The following SCRN3 variants were observed in gnomAD, a reference collection of about 807,000 sequenced individuals.
The protein encoded by SCRN3 is secernin-3.
SCRN3 carries 39 observed loss-of-function variants against 43.1 expected under a neutral mutation model. The ratio of observed to expected loss-of-function variants is 0.91; its 90% CI spans 0.70 to 1.18. SCRN3 has a LOEUF of 1.18. Among genes scored for constraint, SCRN3 ranks in the 50% most tolerant of loss-of-function variants. The pLI is 0.00. For synonymous variants in SCRN3, 147 were observed against 163.1 expected (o/e 0.90, Z 0.75); for missense variants, 484 against 498.0 (o/e 0.97, Z 0.27).
Position 174,423,014 on chromosome 2 carries a change from T to A in SCRN3, c.884T>A (p.Ile295Asn). The A allele has an allele frequency of 5.0e-6, 8 of 1,613,656 alleles. No individual in the cohort carries two copies. The highest frequency in any genetic ancestry group is 6.8e-6 in the Non-Finnish European group (8 of 1,179,708). The change falls in exon 6 of 8, where the codon ATT (isoleucine) becomes AAT (asparagine). Residue 295 changes from isoleucine (I) to asparagine (N), a missense_variant. By Grantham distance (149) the Ile-to-Asn change is moderately radical (BLOSUM62 -3). Coordinates refer to ENST00000272732, the MANE Select transcript of SCRN3 (RefSeq NM_024583.5). Reference protein sequence around the residue: ...ILPQDSSLPCIHFFTGTPDPE... With the variant: ...ILPQDSSLPCNHFFTGTPDPE... ...CCTCAAGACTCCAGCCTTCCTTGCA[T>A]TCACTTCTTTACAGGGACTCCTGAT... is the stretch of plus-strand genomic sequence containing the variant.
Position 174,404,275 on chromosome 2 carries a change from C to A in SCRN3, c.714C>A (p.Gly238=). 1 of 1,613,662 alleles carries A rather than the reference C, an allele frequency of 6.2e-7. No individual in the cohort carries two copies. The highest frequency in any genetic ancestry group is 8.5e-7 in the Non-Finnish European group (1 of 1,179,724). The change falls in exon 5 of 8, where the codon GGC becomes GGA. Residue 238 remains glycine (G), a synonymous_variant. Transcript: ENST00000272732. ...CAGCCAAGATGATGACTTCATCAGG[C>A]AGATACTGTGAGGGCTACAAGCTTC... ...LDTAKMMTSS[G]RYCEGYKLLN... is the part of the protein sequence containing the mutation.
chr2:174,398,926 A>C (rs1298412862), intron 2 of SCRN3, among the ~76,000 whole-genome samples: 4 of 152,200 alleles, frequency 2.6e-5, no homozygotes, highest in Non-Finnish European at 5.9e-5. Flanking sequence ...CTTAGGTTCT[A>C]CTTGATGTAG....
intron 3 of SCRN3, 52 bp from the exon 4 acceptor site, chr2:174,400,938 A>G (rs13016842): frequency 0.24 from 326,819 of 1,388,942 alleles, 40,402 homozygotes; most frequent in Middle Eastern, 0.34. Flanking sequence ...AATTATTTAA[A>G]AAAAATAATG....
chr2:174,404,231 G>A lies in SCRN3; in HGVS notation c.670G>A (p.Ala224Thr), dbSNP rs1305542008. Residue 224 changes from alanine to threonine, a missense_variant, in exon 5 of 8, where the codon GCA (alanine) becomes ACA (threonine). By Grantham distance (58) the Ala-to-Thr change is moderately conservative. Transcript: ENST00000272732. The stretch of plus-strand genomic sequence containing the variant: ...TAAAAAGGAGTTTGATTTTGCTGCA[G>A]CATATTCCTATCTTGACACAGCCAA... ...DGKKEFDFAAAYSYLDTAKMM... is the reference protein window; with the variant it reads ...DGKKEFDFAATYSYLDTAKMM... The A allele has an allele frequency of 1.2e-6, 2 of 1,613,844 alleles. No individual in the cohort carries two copies. The highest frequency in any genetic ancestry group is 1.7e-6 in the Non-Finnish European group (2 of 1,179,840).
chr2:174,424,542 TTTGAAC>T lies in SCRN3; in HGVS notation c.991_996del (p.Leu331_Glu332del). 1 of 1,612,738 alleles carries T rather than the reference TTTGAAC, an allele frequency of 6.2e-7. No individual in the cohort carries two copies. The highest frequency in any genetic ancestry group is 8.5e-7 in the Non-Finnish European group (1 of 1,178,882). On this transcript the variant is annotated inframe_deletion, in exon 7 of 8. Coordinates refer to ENST00000272732, the MANE Select transcript of SCRN3 (RefSeq NM_024583.5). ...ACTATTGGATACCAGTTCACCAACA[TTTGAAC>T]TTGAAGATCTAGTTAAAAAGAAATC...
Position 174,423,029 on chromosome 2 carries a change from G to C in SCRN3, c.899G>C (p.Gly300Ala), listed in dbSNP as rs1250601413. The C allele has an allele frequency of 1.2e-6, 2 of 1,612,672 alleles. No homozygotes were observed. Among genetic ancestry groups the C allele is most frequent in the East Asian group, 2.2e-5 (1 of 44,826 alleles). Residue 300 changes from glycine to alanine, a missense_variant, in exon 6 of 8, where the codon GGG becomes GCG. Transcript: ENST00000272732. ...CTTCCTTGCATTCACTTCTTTACAG[G>C]GACTCCTGATCCTGAGAGGTGAAGC... The part of the protein sequence containing the change: ...SSLPCIHFFT[G>A]TPDPERSVFK...
chr2:174,397,946 G>C (rs929253379), intron 1 of SCRN3, among the ~76,000 whole-genome samples: 1 of 152,102 alleles, frequency 6.6e-6, no homozygotes, highest in African/African-American at 2.4e-5. Flanking sequence ...CTGATTTTTA[G>C]GCTGTAGTAT....
Position 174,404,132 on chromosome 2 carries a change from T to C in SCRN3, c.571T>C (p.Ser191Pro), listed in dbSNP as rs141186365. 30 of 1,613,574 alleles carry C rather than the reference T, an allele frequency of 1.9e-5. No homozygotes were observed. The highest frequency in any genetic ancestry group is 2.4e-5 in the Non-Finnish European group (28 of 1,179,768). ...AGTTCGTAATATTTCTAATCAACTT[T>C]CCATAACAACCAAGATTGCCCGGGA... ...EGVRNISNQL[S>P]ITTKIAREHP... Residue 191 changes from serine to proline, a missense_variant, in exon 5 of 8, where the codon TCC (serine) becomes CCC (proline). Physicochemically the swap from Ser to Pro is moderately conservative, Grantham distance 74. Transcript: ENST00000272732.
At chr2:174,429,709 T>C (rs185371158), downstream of SCRN3, 2 of 152,330 alleles carry the variant, frequency 1.3e-5, no homozygotes, top group East Asian at 1.9e-4. Context: ...TAAAATGACA[T>C]GTATCCACCA....
chr2:174,413,915 T>C (rs1440043060), intron 5 of SCRN3, among the ~76,000 whole-genome samples: 1 of 151,972 alleles, frequency 6.6e-6, no homozygotes, highest in Non-Finnish European at 1.5e-5. Context: ...CTACTGCTTG[T>C]GGTTGAGGTC....
intron 5 of SCRN3, 34 bp from the exon 6 acceptor site, chr2:174,422,851 A>G: frequency 1.4e-6 from 2 of 1,421,142 alleles, no homozygotes; most frequent in Middle Eastern, 1.8e-4. Flanking sequence ...GTATATGCAT[A>G]TGTATTTGAT....
At chr2:174,417,145 A>G (rs1337099254) in intron 5 of SCRN3, among the ~76,000 whole-genome samples, 1 of 152,218 alleles carries the variant, frequency 6.6e-6, no homozygotes, top group Non-Finnish European at 1.5e-5. Context: ...TTGTAAAAGG[A>G]GAGCATCAGG....
At chr2:174,423,411 C>G (rs917316865) in intron 6 of SCRN3, among the ~76,000 whole-genome samples, 4 of 152,122 alleles carry the variant, frequency 2.6e-5, no homozygotes, top group African/African-American at 7.2e-5. Context: ...TACTTATGCA[C>G]TTGTATCTAG....
At position 174,418,232 on chromosome 2, in the gene SCRN3, CAAGTGTGAAATAT is replaced by C. The variant is rs1686182635; in HGVS notation, c.755-4651_755-4639del. On this transcript the variant is annotated intron_variant, in intron 5 of 7. Transcript: ENST00000272732. ...ATCTGACATGAAACTTACTTTTTCTCAAGTGTGAAATATAGTTCATCTAGCTTTCTGTGCTTTG... is the reference window on the plus strand; with the variant it reads ...ATCTGACATGAAACTTACTTTTTCTCAGTTCATCTAGCTTTCTGTGCTTTG... Among the ~76,000 whole-genome samples, 4 of 152,126 alleles carry C rather than the reference CAAGTGTGAAATAT, an allele frequency of 2.6e-5. No homozygotes were observed. The South Asian group carries it at 8.3e-4, about 31-fold the overall frequency.
rs780785569 is a variant in SCRN3 at position 174,427,919 on chromosome 2, A to T, written c.*24A>T. 6.8e-7 allele frequency: 1 copy of T among 1,459,878 alleles called. No individual in the cohort carries two copies. The allele number at this position is 1,459,878 out of a possible 1,614,324, so 90.4% of individuals were successfully genotyped here. A position where few individuals can be genotyped will look rare whatever the true frequency, so the allele number is the denominator to read the frequency against. On this transcript the variant is annotated 3_prime_UTR_variant, in exon 8 of 8. Coordinates refer to ENST00000272732, the MANE Select transcript of SCRN3 (RefSeq NM_024583.5). ...AGTGATCATATGGTCAGCTAATATT[A>T]GTTCTTAGTGATCAGTGGTCAGTAA...
In SCRN3 at chr2:174,419,929, G is replaced by GA. The variant is rs370146335; in HGVS notation, c.755-2950dup. Reference sequence around the variant, plus strand: ...CAGGAATAGCTATGAGATCTGCAGGGAAAAAACCTCTCTTGTTGGAAGACA... The same window carrying GA: ...CAGGAATAGCTATGAGATCTGCAGGGAAAAAAACCTCTCTTGTTGGAAGACA... On this transcript the variant is annotated intron_variant, in intron 5 of 7. Coordinates refer to ENST00000272732, the MANE Select transcript of SCRN3 (RefSeq NM_024583.5). Among the ~76,000 whole-genome samples, 136 of 152,146 alleles carry GA rather than the reference G, an allele frequency of 8.9e-4. No homozygotes were observed. The East Asian group carries it at 0.011, about 13-fold the overall frequency.
intron 5 of SCRN3, among the ~76,000 whole-genome samples, chr2:174,411,072 C>T (rs1235342247): frequency 6.6e-6 from 1 of 152,118 alleles, no homozygotes; most frequent in Non-Finnish European, 1.5e-5. Context: ...TACTCCACTC[C>T]CTACCCAGAG....
In SCRN3 at chr2:174,400,080, ACT is replaced by A; in HGVS notation, c.319_320del (p.Leu107IlefsTer11). On this transcript the variant is annotated frameshift_variant, in exon 3 of 8. Coordinates refer to ENST00000272732, the MANE Select transcript of SCRN3 (RefSeq NM_024583.5). LOFTEE classifies it high-confidence loss of function. The stretch of plus-strand genomic sequence containing the variant: ...GAGAAGAAGTTTGTGATGAAGAAGC[ACT>A]ATTAGGAATGGACCTTGTCAGGTTA... ...GREEVCDEEA[L>X]LGMDLVRLGL... 1 of 1,581,496 alleles carries A rather than the reference ACT, an allele frequency of 6.3e-7. No individual in the cohort carries two copies.
At position 174,401,025 on chromosome 2, in the gene SCRN3, C is replaced by T. The variant is rs1413148402; in HGVS notation, c.377C>T (p.Ala126Val). 1.2e-6 allele frequency: 2 copies of T among 1,613,444 alleles called. No homozygotes were observed. Among genetic ancestry groups the T allele is most frequent in the South Asian group, 2.2e-5 (2 of 91,032 alleles). ...GLERADTAEK[A>V]LNVIVDLLEK... ...GAAAGAGCTGATACAGCTGAAAAAG[C>T]CCTCAATGTCATTGTTGACTTACTA... Residue 126 changes from alanine to valine, a missense_variant, in exon 4 of 8, where the codon GCC becomes GTC. Physicochemically the swap from Ala to Val is moderately conservative, Grantham distance 64. Transcript: ENST00000272732.
Sources: gnomAD v4.1 joint callset for allele counts (sites outside exome capture counted in the v4.1 genomes callset) on GRCh38, gnomAD v4.1.1 for gene constraint, MANE v1.5 for transcripts, NCBI Gene and HGNC (gene_info 2026-07-23, HGNC 2026-07-21) for gene names.